The following FER variants were observed in gnomAD, a reference collection of about 807,000 sequenced individuals.
FER encodes the protein tyrosine-protein kinase Fer.
A neutral mutation model predicts 111.0 loss-of-function variants in FER; 63 were observed. The ratio of observed to expected loss-of-function variants is 0.57; its 90% CI spans 0.46 to 0.70. The LOEUF is 0.70. FER is among the 30% of genes least tolerant of loss of function. The pLI is 0.00. For synonymous variants in FER, 327 were observed against 313.9 expected (o/e 1.04, Z -0.44); for missense variants, 914 against 954.0 (o/e 0.96, Z 0.55).
chr5:108,918,234 A>T (rs1752513853), intron 10 of FER, among the ~76,000 whole-genome samples: 2 of 152,180 alleles, frequency 1.3e-5, no homozygotes, highest in African/African-American at 4.8e-5. Context: ...TTGAGCCCTG[A>T]TAGAATTTCT....
intron 16 of FER, among the ~76,000 whole-genome samples, chr5:109,047,755 A>G (rs1034252942): frequency 6.6e-6 from 1 of 152,120 alleles, no homozygotes; most frequent in African/African-American, 2.4e-5. Context: ...TTTGATGGTT[A>G]TATATAATAA....
At chr5:109,043,864 G>A (rs1034807157) in intron 14 of FER, among the ~76,000 whole-genome samples, 2 of 151,902 alleles carry the variant, frequency 1.3e-5, no homozygotes, top group Non-Finnish European at 1.5e-5. Context: ...CCAGCTACTC[G>A]GGAGGCTGAG....
rs771259553 is a variant in FER, at chr5:108,959,229, T to C, written c.1538T>C (p.Met513Thr). 4 of 1,611,522 alleles carry C rather than the reference T, an allele frequency of 2.5e-6. No individual in the cohort carries two copies. The highest frequency in any genetic ancestry group is 1.1e-5 in the South Asian group (1 of 90,846). ...ACCTTATTGTTCTCTCTCCAGAACA[T>C]GTATCGATTCGAGGGCACTGGGTTT... is the stretch of plus-strand genomic sequence containing the variant. ...RHFIIQYVDN[M>T]YRFEGTGFSN... is the part of the protein sequence containing the mutation. The change falls in exon 13 of 20, where the codon ATG becomes ACG. Residue 513 changes from methionine to threonine, a missense_variant. Physicochemically the swap from Met to Thr is moderately conservative, Grantham distance 81. Around this residue, in one of 3 missense-constraint regions of FER, gnomAD observed 774 missense variants for 782.6 expected, o/e 0.99. Coordinates refer to ENST00000281092, the MANE Select transcript of FER (RefSeq NM_005246.4).
At chr5:108,838,018 A>G (rs1295758188) in intron 5 of FER, among the ~76,000 whole-genome samples, 1 of 152,194 alleles carries the variant, frequency 6.6e-6, no homozygotes, top group Non-Finnish European at 1.5e-5. Flanking sequence ...GTACTTTTAT[A>G]TATCCACTTC....
chr5:108,794,865 G>A (rs1755835673), intron 2 of FER, among the ~76,000 whole-genome samples: 1 of 152,126 alleles, frequency 6.6e-6, no homozygotes. Context: ...CCTTGAGGTA[G>A]TCTTTACATT....
At chr5:108,828,136 C>G (rs1759667870) in intron 3 of FER, among the ~76,000 whole-genome samples, 1 of 152,088 alleles carries the variant, frequency 6.6e-6, no homozygotes, top group Non-Finnish European at 1.5e-5. Flanking sequence ...TCCCCAAACA[C>G]TGGGATTACA....
intron 16 of FER, among the ~76,000 whole-genome samples, chr5:109,059,170 T>C (rs1411074184): frequency 6.6e-6 from 1 of 152,144 alleles, no homozygotes; most frequent in African/African-American, 2.4e-5. Context: ...GATGTACATC[T>C]CAGAATTTGT....
At chr5:109,018,405 A>T (rs865794608) in intron 13 of FER, among the ~76,000 whole-genome samples, 4 of 152,028 alleles carry the variant, frequency 2.6e-5, no homozygotes, top group Middle Eastern at 3.4e-3. Context: ...ATATCTTACC[A>T]TTGGGACTAC....
intron 18 of FER, among the ~76,000 whole-genome samples, chr5:109,184,677 A>ATGAT: frequency 6.6e-6 from 1 of 152,362 alleles, no homozygotes; most frequent in South Asian, 2.1e-4. Context: ...CAAGCATGAA[A>ATGAT]TGATAGGCAG....
intron 16 of FER, chr5:109,051,819 C>T: frequency 6.3e-7 from 1 of 1,597,908 alleles, no homozygotes; most frequent in African/African-American, 1.3e-5. Flanking sequence ...AGGACACCAC[C>T]AGCATGAAGA....
At chr5:108,923,819 A>G (rs1224420246) in intron 10 of FER, among the ~76,000 whole-genome samples, 1 of 152,140 alleles carries the variant, frequency 6.6e-6, no homozygotes, top group Admixed American at 6.5e-5. Flanking sequence ...CACATAATTT[A>G]TATTCTTTTC....
intron 17 of FER, among the ~76,000 whole-genome samples, chr5:109,133,040 T>C (rs1752528941): frequency 6.6e-6 from 1 of 152,204 alleles, no homozygotes; most frequent in East Asian, 1.9e-4. Flanking sequence ...TAAGTCATTG[T>C]AGAAGATGTT....
intron 12 of FER, among the ~76,000 whole-genome samples, chr5:108,956,870 A>G (rs74972800): frequency 0.01 from 1,523 of 151,714 alleles, 21 homozygotes; most frequent in African/African-American, 0.035. Context: ...GAAGGGGTCA[A>G]TAAATGGGGA....
At chr5:108,883,712 GA>G (rs1001977715) in intron 9 of FER, among the ~76,000 whole-genome samples, 194 bp downstream of exon 9, 3 of 152,010 alleles carry the variant, frequency 2.0e-5, no homozygotes, top group African/African-American at 4.8e-5. Flanking sequence ...GTGTCCTTGG[GA>G]AAAATGATTA....
At chr5:109,148,728 T>C (rs893578775) in intron 17 of FER, among the ~76,000 whole-genome samples, 1 of 152,156 alleles carries the variant, frequency 6.6e-6, no homozygotes, top group African/African-American at 2.4e-5. Flanking sequence ...TGTAAAATAC[T>C]TTTTTTCTTG....
rs139376562 is a variant in FER, at chr5:108,961,722, G to A, written c.1656+2375G>A. On this transcript the variant is annotated intron_variant, in intron 13 of 19. Transcript: ENST00000281092. ...TGCTCTTTTAAAAGAAAATCACAAA[G>A]CAGAAGCTTTGAGTTAGATAATTTT... Among the ~76,000 whole-genome samples, 896 of 152,196 alleles carry A rather than the reference G, an allele frequency of 5.9e-3. 5 individuals are homozygous for A. The highest frequency in any genetic ancestry group is 0.021 in the African/African-American group (859 of 41,536).
chr5:108,764,292 G>A (rs1191014103), intron 1 of FER, among the ~76,000 whole-genome samples: 4 of 152,138 alleles, frequency 2.6e-5, no homozygotes, highest in Non-Finnish European at 1.5e-5. Flanking sequence ...TAATCTTACT[G>A]TATATAGATA....
At chr5:109,162,075 A>G (rs1426397009) in intron 17 of FER, among the ~76,000 whole-genome samples, 1 of 151,976 alleles carries the variant, frequency 6.6e-6, no homozygotes, top group Non-Finnish European at 1.5e-5. Flanking sequence ...TTCATGTCCT[A>G]TACCTACTTT....
chr5:108,778,021 T>C (rs1320256497), intron 2 of FER, among the ~76,000 whole-genome samples: 1 of 152,184 alleles, frequency 6.6e-6, no homozygotes, highest in Non-Finnish European at 1.5e-5. Flanking sequence ...GTATTGCTTT[T>C]TTCAGAATGT....
Sources: allele counts gnomAD v4.1 joint callset (sites outside exome capture counted in the v4.1 genomes callset), GRCh38; gene constraint gnomAD v4.1.1; regional missense constraint gnomAD v4.1.1; transcripts MANE v1.5; gene names NCBI Gene and HGNC (gene_info 2026-07-23, HGNC 2026-07-21).